Variants in CLSTN2 observed in about 807,000 individuals in gnomAD.
CLSTN2 encodes the protein calsyntenin 2.
In CLSTN2, 48 loss-of-function variants were observed where a neutral mutation model predicts 101.2. That is an observed-to-expected ratio of 0.47 (90% CI 0.38 to 0.60). The LOEUF is 0.60. Among genes scored for constraint, CLSTN2 ranks in the 20% least tolerant of loss-of-function variants. The pLI, the probability that CLSTN2 is intolerant of heterozygous loss-of-function variation, is 0.00. For synonymous variants in CLSTN2, 481 were observed against 463.6 expected, an observed-to-expected ratio of 1.04 and a Z score of -0.48; for missense variants, 1,160 against 1,238.2, an observed-to-expected ratio of 0.94 and a Z score of 0.95.
At chr3:140,329,647 T>G (rs2087362897) in intron 2 of CLSTN2, among the ~76,000 whole-genome samples, 1 of 152,322 alleles carries the variant, frequency 6.6e-6, no homozygotes, top group East Asian at 1.9e-4. Context: ...TTTTCTTTGA[T>G]TTTATAGGCA....
intron 2 of CLSTN2, among the ~76,000 whole-genome samples, chr3:140,270,162 TACTA>T (rs1360770483): frequency 2.6e-5 from 4 of 152,150 alleles, no homozygotes; most frequent in South Asian, 2.1e-4. Context: ...TTAATTGGAG[TACTA>T]ACTATGTGTC....
intron 8 of CLSTN2, among the ~76,000 whole-genome samples, chr3:140,482,562 G>C (rs186709035): frequency 2.6e-5 from 4 of 152,072 alleles, no homozygotes; most frequent in African/African-American, 4.8e-5. Context: ...GCTGTGAATC[G>C]ATCTGGTCCT....
chr3:140,373,932 C>T (rs2087887123), intron 2 of CLSTN2, among the ~76,000 whole-genome samples: 1 of 152,220 alleles, frequency 6.6e-6, no homozygotes, highest in Non-Finnish European at 1.5e-5. Flanking sequence ...GCACTCTTCC[C>T]TTCCTGAACA....
At chr3:140,543,199 C>T (rs570979666) in intron 9 of CLSTN2, among the ~76,000 whole-genome samples, 1 of 152,220 alleles carries the variant, frequency 6.6e-6, no homozygotes, top group East Asian at 1.9e-4. Flanking sequence ...AAGAGATGAC[C>T]AACTGGATGC....
intron 2 of CLSTN2, among the ~76,000 whole-genome samples, chr3:140,399,606 T>G (rs940085022): frequency 6.6e-6 from 1 of 152,236 alleles, no homozygotes. Flanking sequence ...ATTACAGAAT[T>G]TGTATTTTAC....
chr3:140,258,023 G>A (rs927045847), intron 2 of CLSTN2, among the ~76,000 whole-genome samples: 2 of 151,440 alleles, frequency 1.3e-5, no homozygotes, highest in Non-Finnish European at 3.0e-5. Flanking sequence ...ATGTTATTAT[G>A]TATTATTTTT....
At chr3:140,488,972 T>C (rs1211636353) in intron 8 of CLSTN2, among the ~76,000 whole-genome samples, 1 of 152,158 alleles carries the variant, frequency 6.6e-6, no homozygotes, top group African/African-American at 2.4e-5. Context: ...CTTCAACAGA[T>C]AAATTGCAAG....
chr3:140,273,168 T>A (rs571671929), intron 2 of CLSTN2, among the ~76,000 whole-genome samples: 1 of 151,774 alleles, frequency 6.6e-6, no homozygotes, highest in Non-Finnish European at 1.5e-5. Flanking sequence ...ATTTCCCTCT[T>A]CTTAAAAACA....
At chr3:140,168,541 G>A (rs1029444591) in intron 1 of CLSTN2, among the ~76,000 whole-genome samples, 1 of 151,700 alleles carries the variant, frequency 6.6e-6, no homozygotes, top group African/African-American at 2.4e-5. Context: ...ATCTTTTATG[G>A]GGCATGCTTT....
intron 1 of CLSTN2, among the ~76,000 whole-genome samples, chr3:140,060,221 C>A (rs1417915277): frequency 6.6e-6 from 1 of 152,070 alleles, no homozygotes. Flanking sequence ...AATATATGTA[C>A]CGTTGTGAAA....
chr3:140,360,997 T>C (rs1479851), intron 2 of CLSTN2, among the ~76,000 whole-genome samples: 76,027 of 151,976 alleles, frequency 0.5, 19,843 homozygotes, highest in Non-Finnish European at 0.59. Flanking sequence ...AAATACTTGT[T>C]GGTTTTTTCT....
At chr3:140,559,484 G>A (rs781726855) in intron 12 of CLSTN2, among the ~76,000 whole-genome samples, 5 of 141,598 alleles carry the variant, frequency 3.5e-5, no homozygotes, top group East Asian at 2.1e-4. Flanking sequence ...AGTGAAAGAG[G>A]AGTAATTTGA....
chr3:140,408,749 T>G (rs1235773275), intron 4 of CLSTN2, among the ~76,000 whole-genome samples: 1 of 152,184 alleles, frequency 6.6e-6, no homozygotes, highest in African/African-American at 2.4e-5. Flanking sequence ...AGCCACTACA[T>G]GTATGCCCCA....
intron 2 of CLSTN2, among the ~76,000 whole-genome samples, chr3:140,330,652 A>C (rs1363795748): frequency 1.3e-5 from 2 of 152,202 alleles, no homozygotes; most frequent in Non-Finnish European, 2.9e-5. Flanking sequence ...ACCAAGATAA[A>C]GGTTCACCAT....
At chr3:140,139,283 T>A (rs2009660957) in intron 1 of CLSTN2, among the ~76,000 whole-genome samples, 1 of 152,210 alleles carries the variant, frequency 6.6e-6, no homozygotes, top group Non-Finnish European at 1.5e-5. Context: ...GCAATCTTTT[T>A]AATTCACAAA....
intron 2 of CLSTN2, among the ~76,000 whole-genome samples, chr3:140,393,839 A>G (rs2088149542): frequency 6.6e-6 from 1 of 152,182 alleles, no homozygotes. Flanking sequence ...ATTTCTTGAG[A>G]CATAGGGTTT....
chr3:140,291,261 C>T (rs577283459), intron 2 of CLSTN2, among the ~76,000 whole-genome samples: 2 of 152,256 alleles, frequency 1.3e-5, no homozygotes, highest in South Asian at 4.1e-4. Context: ...CTTGCGTACT[C>T]ATGGCCCCGC....
intron 1 of CLSTN2, among the ~76,000 whole-genome samples, chr3:140,006,264 T>C (rs1031868754): frequency 6.6e-6 from 1 of 152,188 alleles, no homozygotes; most frequent in African/African-American, 2.4e-5. Flanking sequence ...TGTTTAATTC[T>C]GAAAAAGAAA....
intron 5 of CLSTN2, among the ~76,000 whole-genome samples, chr3:140,441,807 G>A (rs190890262): frequency 6.6e-6 from 1 of 152,176 alleles, no homozygotes; most frequent in Non-Finnish European, 1.5e-5. Flanking sequence ...CCACTCCCTG[G>A]CCCAGCACCC....
Sources: gnomAD v4.1 joint callset for allele counts (sites outside exome capture counted in the v4.1 genomes callset) on GRCh38, gnomAD v4.1.1 for gene constraint, MANE v1.5 for transcripts, NCBI Gene and HGNC (gene_info 2026-07-23, HGNC 2026-07-21) for gene names.